The following TENT4B variants were observed in gnomAD, a reference collection of about 807,000 sequenced individuals.
TENT4B encodes the protein PAP associated domain containing 5.
In TENT4B, 10 loss-of-function variants were observed where a neutral mutation model predicts 75.0. The ratio of observed to expected loss-of-function variants is 0.13; its 90% CI spans 0.08 to 0.23. TENT4B has a LOEUF of 0.23. TENT4B is among the 10% of genes least tolerant of loss of function. TENT4B has a pLI of 1.00. For missense variants in TENT4B, 579 were observed against 893.8 expected (o/e 0.65, Z 4.49); for synonymous variants, 350 against 357.7 (o/e 0.98, Z 0.24).
At chr16:50,193,118 G>T (rs1230390842) in intron 1 of TENT4B, among the ~76,000 whole-genome samples, 1 of 152,140 alleles carries the variant, frequency 6.6e-6, no homozygotes, top group East Asian at 1.9e-4. Flanking sequence ...AAAAATCAGA[G>T]GCTGGAGGTG....
intron 1 of TENT4B, among the ~76,000 whole-genome samples, chr16:50,158,236 G>A (rs182539655): frequency 1.3e-5 from 2 of 152,200 alleles, no homozygotes; most frequent in African/African-American, 2.4e-5. Flanking sequence ...ACAGGCGCCC[G>A]CCACCATGCC....
rs1024998460 is a variant in TENT4B at position 50,229,358 on chromosome 16, G to C, written c.*30G>C. 2.5e-6 allele frequency: 4 copies of C among 1,587,144 alleles called. No individual in the cohort carries two copies. The highest frequency in any genetic ancestry group is 3.4e-6 in the Non-Finnish European group (4 of 1,167,980). ...CGCTGCGCGGTGGACTGTCTTCTCT[G>C]TGCAATGATCTCATGCTCAGGACAG... On this transcript the variant is annotated 3_prime_UTR_variant, in exon 12 of 12. Transcript: ENST00000561678.
At chr16:50,157,495 A>C (rs957508706) in intron 1 of TENT4B, among the ~76,000 whole-genome samples, 5 of 151,762 alleles carry the variant, frequency 3.3e-5, no homozygotes, top group African/African-American at 7.3e-5. Flanking sequence ...TCAAAATAAA[A>C]CTCTTGAGCT....
intron 2 of TENT4B, among the ~76,000 whole-genome samples, chr16:50,211,960 G>A (rs2031302006): frequency 6.6e-6 from 1 of 152,042 alleles, no homozygotes; most frequent in African/African-American, 2.4e-5. Context: ...ATCTCTCTCA[G>A]ACCAGCTAAT....
chr16:50,221,767 C>CTT (rs537638271), intron 5 of TENT4B, among the ~76,000 whole-genome samples: 2 of 145,002 alleles, frequency 1.4e-5, no homozygotes, highest in Admixed American at 6.9e-5. Context: ...ATAGCAAGTA[C>CTT]TTTTTTTTTT....
At chr16:50,172,002 C>T (rs1356972922) in intron 1 of TENT4B, among the ~76,000 whole-genome samples, 1 of 151,536 alleles carries the variant, frequency 6.6e-6, no homozygotes, top group Non-Finnish European at 1.5e-5. Context: ...ATTGCACCAC[C>T]ACACTCTAGC....
chr16:50,173,794 A>G, intron 1 of TENT4B, among the ~76,000 whole-genome samples: 1 of 152,058 alleles, frequency 6.6e-6, no homozygotes, highest in East Asian at 1.9e-4. Context: ...CCTGGGTTCA[A>G]GTGATTCTCC....
intron 1 of TENT4B, among the ~76,000 whole-genome samples, chr16:50,165,794 T>C (rs1006123851): frequency 3.9e-5 from 6 of 152,246 alleles, no homozygotes; most frequent in African/African-American, 1.4e-4. Flanking sequence ...ATTGCATGTA[T>C]ATGCCACATT....
At chr16:50,207,125 G>A (rs1485358485) in intron 1 of TENT4B, among the ~76,000 whole-genome samples, 1 of 145,106 alleles carries the variant, frequency 6.9e-6, no homozygotes, top group African/African-American at 2.5e-5. Context: ...TTATCATACT[G>A]CTTTTATATG....
intron 1 of TENT4B, among the ~76,000 whole-genome samples, chr16:50,208,955 T>TC (rs977053952): frequency 2.5e-4 from 38 of 152,312 alleles, no homozygotes; most frequent in African/African-American, 9.1e-4. Flanking sequence ...GGTCTCCAAC[T>TC]CCTGGCCTCA....
chr16:50,164,093 G>A (rs911055779), intron 1 of TENT4B, among the ~76,000 whole-genome samples: 1 of 151,992 alleles, frequency 6.6e-6, no homozygotes, highest in African/African-American at 2.4e-5. Flanking sequence ...GCCGGTGGAG[G>A]TTGCAGTGAG....
In TENT4B at chr16:50,232,126, G is replaced by A; in HGVS notation, c.*2798G>A. ...TTAGAGGAGCTGATGGGTTGGTGAG[G>A]TGTCAGCACAAAATCTTACTGGTTA... On this transcript the variant is annotated 3_prime_UTR_variant, in exon 12 of 12. Coordinates refer to ENST00000561678, the MANE Select transcript of TENT4B (RefSeq NM_001365324.3). 1.0e-6 allele frequency: 1 copy of A among 985,394 alleles called. No homozygotes were observed. Among genetic ancestry groups the A allele is most frequent in the Non-Finnish European group, 1.2e-6 (1 of 829,924 alleles). 61.0% of individuals were successfully genotyped at this position (985,394 alleles called of 1,614,324 possible). A position where few individuals can be genotyped will look rare whatever the true frequency, so the allele number is the denominator to read the frequency against.
rs1388870649 is a variant in TENT4B, at chr16:50,231,283, CAT to C, written c.*1956_*1957del. The C allele has an allele frequency of 1.2e-5, 12 of 984,822 alleles. No individual in the cohort carries two copies. The highest frequency in any genetic ancestry group is 1.4e-5 in the Non-Finnish European group (12 of 829,134). The allele number at this position is 984,822 out of a possible 1,614,324, so 61.0% of individuals were successfully genotyped here. ...TGTTTTTGAAACTAGTTTGTCATAACATTGTGCATAATCACAGTATTTATTTT... is the reference window on the plus strand; with the variant it reads ...TGTTTTTGAAACTAGTTTGTCATAACTGTGCATAATCACAGTATTTATTTT... On this transcript the variant is annotated 3_prime_UTR_variant, in exon 12 of 12. Coordinates refer to ENST00000561678, the MANE Select transcript of TENT4B (RefSeq NM_001365324.3).
At chr16:50,168,753 C>T (rs1185419383) in intron 1 of TENT4B, among the ~76,000 whole-genome samples, 1 of 152,126 alleles carries the variant, frequency 6.6e-6, no homozygotes, top group African/African-American at 2.4e-5. Context: ...TCAAGCGATT[C>T]TCCTGCCTCA....
intron 5 of TENT4B, 63 bp from the exon 6 acceptor site, chr16:50,222,243 C>G: frequency 6.9e-7 from 1 of 1,455,290 alleles, no homozygotes; most frequent in Non-Finnish European, 9.3e-7. Flanking sequence ...ATTTATGCCC[C>G]TCTTAATGCT....
Position 50,231,370 on chromosome 16 carries a change from A to C in TENT4B, c.*2042A>C. ...CTGCTAAGGGAACAATTATTTATAA[A>C]ATAATATTAAATCCAGTATTAGCTG... On this transcript the variant is annotated 3_prime_UTR_variant, in exon 12 of 12. Coordinates refer to ENST00000561678, the MANE Select transcript of TENT4B (RefSeq NM_001365324.3). 1.0e-6 allele frequency: 1 copy of C among 980,886 alleles called. No individual in the cohort carries two copies. Among genetic ancestry groups the C allele is most frequent in the Non-Finnish European group, 1.2e-6 (1 of 825,372 alleles). 60.8% of individuals were successfully genotyped at this position (980,886 alleles called of 1,614,324 possible). A position where few individuals can be genotyped will look rare whatever the true frequency, so the allele number is the denominator to read the frequency against.
At chr16:50,172,406 G>C (rs1289543629) in intron 1 of TENT4B, among the ~76,000 whole-genome samples, 2 of 152,052 alleles carry the variant, frequency 1.3e-5, no homozygotes, top group Admixed American at 1.3e-4. Flanking sequence ...TGTGCTGACT[G>C]GGAGACTGGA....
At chr16:50,212,502 G>A (rs908474529) in intron 2 of TENT4B, among the ~76,000 whole-genome samples, 1 of 152,158 alleles carries the variant, frequency 6.6e-6, no homozygotes, top group African/African-American at 2.4e-5. Context: ...GCACTGTCCT[G>A]GGTGGTGGTG....
chr16:50,159,085 G>A (rs2037954272), intron 1 of TENT4B, among the ~76,000 whole-genome samples: 2 of 152,140 alleles, frequency 1.3e-5, no homozygotes, highest in South Asian at 4.1e-4. Flanking sequence ...CTGCCGTAGG[G>A]CAGTATCCTC....
Sources: gnomAD v4.1 joint callset for allele counts (sites outside exome capture counted in the v4.1 genomes callset) on GRCh38, gnomAD v4.1.1 for gene constraint, MANE v1.5 for transcripts, NCBI Gene and HGNC (gene_info 2026-07-23, HGNC 2026-07-21) for gene names.